SLC1A2: variants seen among roughly 807,000 people sequenced by gnomAD.
The protein encoded by SLC1A2 is excitatory amino acid transporter 2.
In SLC1A2, 15 loss-of-function variants were observed where a neutral mutation model predicts 48.8. That is an observed-to-expected ratio of 0.31 (90% CI 0.21 to 0.47). SLC1A2 has a LOEUF of 0.47. SLC1A2 is among the 20% of genes least tolerant of loss of function. The pLI is 0.99. For missense variants in SLC1A2, 502 were observed against 730.5 expected, an observed-to-expected ratio of 0.69 and a Z score of 3.61; for synonymous variants, 279 against 272.6, an observed-to-expected ratio of 1.02 and a Z score of -0.23.
Position 35,255,282 on chromosome 11 carries a change from T to A in SLC1A2, c.*5612A>T. 1 of 162,156 alleles carries A rather than the reference T, an allele frequency of 6.2e-6. No homozygotes were observed. The highest frequency in any genetic ancestry group is 1.4e-5 in the Non-Finnish European group (1 of 73,930). 10.0% of individuals were successfully genotyped at this position (162,156 alleles called of 1,614,324 possible). A position where few individuals can be genotyped will look rare whatever the true frequency, so the allele number is the denominator to read the frequency against. Reference sequence around the variant, plus strand: ...TGTTTAAAGATCATGGCTGGTGACATGGACCTTGTAGACCATGCATTGTAT... The same window carrying A: ...TGTTTAAAGATCATGGCTGGTGACAAGGACCTTGTAGACCATGCATTGTAT... On this transcript the variant is annotated 3_prime_UTR_variant, in exon 11 of 11. Coordinates refer to ENST00000278379, the MANE Select transcript of SLC1A2 (RefSeq NM_004171.4).
chr11:35,266,221 G>A (rs1041480966), intron 9 of SLC1A2, among the ~76,000 whole-genome samples: 3 of 152,086 alleles, frequency 2.0e-5, no homozygotes, highest in African/African-American at 7.2e-5. Flanking sequence ...TTGTTTTACT[G>A]AAAAACTTAC....
At chr11:35,346,697 T>G (rs1243806472) in intron 1 of SLC1A2, among the ~76,000 whole-genome samples, 1 of 152,270 alleles carries the variant, frequency 6.6e-6, no homozygotes, top group Non-Finnish European at 1.5e-5. Context: ...TAAGATCCTC[T>G]GCTCATGGCA....
chr11:35,340,609 T>C (rs1161601801), intron 1 of SLC1A2, among the ~76,000 whole-genome samples: 2 of 152,208 alleles, frequency 1.3e-5, no homozygotes, highest in African/African-American at 2.4e-5. Flanking sequence ...TCCTTGTCCA[T>C]ACAAAGGAAA....
chr11:35,313,126 C>G (rs1851758558), intron 3 of SLC1A2, among the ~76,000 whole-genome samples: 1 of 152,132 alleles, frequency 6.6e-6, no homozygotes, highest in South Asian at 2.1e-4. Flanking sequence ...TGAAGCGATG[C>G]TGCTGGTACA....
At chr11:35,418,721 T>C in intron 1 of SLC1A2, 1 of 559,000 alleles carries the variant, frequency 1.8e-6, no homozygotes, top group Non-Finnish European at 3.2e-6. Flanking sequence ...TTACCCTTTT[T>C]ATCAAAATAA....
intron 3 of SLC1A2, among the ~76,000 whole-genome samples, chr11:35,314,489 T>G (rs1591462722): frequency 1.3e-5 from 2 of 151,444 alleles, no homozygotes; most frequent in East Asian, 1.9e-4. Flanking sequence ...CTGAGGCGGG[T>G]GGATCATGAG....
intron 1 of SLC1A2, among the ~76,000 whole-genome samples, chr11:35,348,699 C>G (rs1853128134): frequency 6.6e-6 from 1 of 151,822 alleles, no homozygotes; most frequent in Admixed American, 6.6e-5. Context: ...ACAGACCAGC[C>G]TGACCAACAT....
intron 6 of SLC1A2, among the ~76,000 whole-genome samples, chr11:35,300,356 T>C (rs992606774): frequency 6.6e-6 from 1 of 152,236 alleles, no homozygotes; most frequent in African/African-American, 2.4e-5. Flanking sequence ...TGAATTCATA[T>C]GTCCCCCAAA....
At chr11:35,327,031 A>G (rs1852272790) in intron 1 of SLC1A2, among the ~76,000 whole-genome samples, 1 of 152,232 alleles carries the variant, frequency 6.6e-6, no homozygotes, top group Non-Finnish European at 1.5e-5. Context: ...TAAATGACGT[A>G]AACTTTGCTA....
At chr11:35,415,220 G>A (rs1855571796) in intron 1 of SLC1A2, among the ~76,000 whole-genome samples, 1 of 152,200 alleles carries the variant, frequency 6.6e-6, no homozygotes, top group Non-Finnish European at 1.5e-5. Flanking sequence ...ACACCTAATT[G>A]TGTTGCATGG....
At position 35,259,726 on chromosome 11, in the gene SLC1A2, G is replaced by A. The variant is rs1302983756; in HGVS notation, c.*1168C>T. The A allele has an allele frequency of 6.6e-6, 1 of 152,224 alleles. No homozygotes were observed. The highest frequency in any genetic ancestry group is 1.5e-5 in the Non-Finnish European group (1 of 68,044). The allele number at this position is 152,224 out of a possible 1,614,324, so 9.4% of individuals were successfully genotyped here. ...GTTCCTTTCTACTGAGAAGACTGAG[G>A]AGGAAGACTGGCTCTGCTTCCAACT... On this transcript the variant is annotated 3_prime_UTR_variant, in exon 11 of 11. Coordinates refer to ENST00000278379, the MANE Select transcript of SLC1A2 (RefSeq NM_004171.4).
At chr11:35,314,935 A>G in intron 3 of SLC1A2, 88 bp downstream of exon 3, 1 of 925,892 alleles carries the variant, frequency 1.1e-6, no homozygotes, top group Non-Finnish European at 1.7e-6. Flanking sequence ...GATCACATTC[A>G]CTCAACCAAA....
At chr11:35,376,547 A>G (rs572315118) in intron 1 of SLC1A2, among the ~76,000 whole-genome samples, 2 of 152,296 alleles carry the variant, frequency 1.3e-5, no homozygotes, top group South Asian at 4.1e-4. Flanking sequence ...TTTTCAAAAG[A>G]CAAAAAATGT....
At position 35,359,860 on chromosome 11, in the gene SLC1A2, A is replaced by C. The variant is rs567339050; in HGVS notation, c.18-42344T>G. ...ATCTCATTCACAGGAGCGAAATCAC[A>C]TTATTTCAGCCCCTGGGAAAAGCAA... On this transcript the variant is annotated intron_variant, in intron 1 of 10. Transcript: ENST00000278379. Among the ~76,000 whole-genome samples the C allele has an allele frequency of 3.0e-4, 45 of 152,336 alleles. No individual in the cohort carries two copies. The South Asian group carries it at 5.8e-3, about 20-fold the overall frequency.
chr11:35,306,314 A>G (rs1188171793), intron 4 of SLC1A2, 72 bp from the exon 5 acceptor site: 1 of 1,233,686 alleles, frequency 8.1e-7, no homozygotes, highest in African/African-American at 1.5e-5. Context: ...AAGATTGGCT[A>G]CTCATATATT....
chr11:35,315,294 C>CATTTATATGTGTAACAAATTA (rs2134888799), intron 2 of SLC1A2, 119 bp from the exon 3 acceptor site: 2 of 660,684 alleles, frequency 3.0e-6, no homozygotes, highest in East Asian at 5.5e-5. Flanking sequence ...AAATGATGAA[C>CATTTATATGTGTAACAAATTA]AATGTGTAAC....
intron 7 of SLC1A2, 26 bp downstream of exon 7, chr11:35,292,261 G>A (rs1022731921): frequency 6.6e-7 from 1 of 1,522,250 alleles, no homozygotes; most frequent in Non-Finnish European, 9.1e-7. Flanking sequence ...TGAGCAAAGA[G>A]AAAGGTGATT....
Position 35,419,056 on chromosome 11 carries a change from C to G in SLC1A2, c.-90G>C. 3 of 1,254,190 alleles carry G rather than the reference C, an allele frequency of 2.4e-6. No individual in the cohort carries two copies. Among genetic ancestry groups the G allele is most frequent in the South Asian group, 2.6e-5 (2 of 75,512 alleles). The allele number at this position is 1,254,190 out of a possible 1,614,324, so 77.7% of individuals were successfully genotyped here. On this transcript the variant is annotated 5_prime_UTR_variant, in exon 1 of 11. Coordinates refer to ENST00000278379, the MANE Select transcript of SLC1A2 (RefSeq NM_004171.4). The surrounding 1 kb of genome is among the most constrained non-coding windows in gnomAD (Gnocchi z 5.4). ...CGCCGGGGTGAGCGCGAAGTGCGGC[C>G]GGGAGCGGTATTTAAGAGGAGCCTC...
Position 35,278,280 on chromosome 11 carries a change from T to G in SLC1A2, c.1421+2587A>C, listed in dbSNP as rs868402174. ...TTACTTCTGTTTTTTTTTGTTTTTT[T>G]TTTTTTTTTTTTTAGATGGAGTTTC... On this transcript the variant is annotated intron_variant, in intron 9 of 10. Transcript: ENST00000278379. 1.0e-2 allele frequency among the ~76,000 whole-genome samples: 1,485 copies of G among 148,624 alleles called. 28 individuals are homozygous for G. The highest frequency in any genetic ancestry group is 0.034 in the African/African-American group (1,379 of 40,510).
Sources: allele counts gnomAD v4.1 joint callset (sites outside exome capture counted in the v4.1 genomes callset), GRCh38; gene constraint gnomAD v4.1.1; non-coding constraint Gnocchi (gnomAD v3.1); transcripts MANE v1.5; gene names NCBI Gene and HGNC (gene_info 2026-07-23, HGNC 2026-07-21).